COL10A1: variants seen among roughly 807,000 people sequenced by gnomAD.
COL10A1 encodes collagen alpha-1(X) chain.
Under a neutral mutation model 18.2 loss-of-function variants are expected in COL10A1, and 10 were observed. The observed-to-expected ratio is 0.55, with a 90% CI of 0.34 to 0.93. The LOEUF is 0.93. COL10A1 is among the 40% of genes least tolerant of loss of function. The pLI is 0.02. For missense variants in COL10A1, 897 were observed against 853.5 expected, an observed-to-expected ratio of 1.05 and a Z score of -0.64; for synonymous variants, 330 against 316.6, an observed-to-expected ratio of 1.04 and a Z score of -0.45.
Position 116,133,496 on chromosome 6 carries a change from C to T in COL10A1, c.-15-7989G>A, listed in dbSNP as rs75233879. Among the ~76,000 whole-genome samples, 1,225 of 152,224 alleles carry T rather than the reference C, an allele frequency of 8.0e-3. 18 individuals carry two copies. Among genetic ancestry groups the T allele is most frequent in the African/African-American group, 0.028 (1,160 of 41,546 alleles). On this transcript the variant is annotated intron_variant, in intron 1 of 1. Coordinates refer to the COL10A1 transcript ENST00000418500. The stretch of plus-strand genomic sequence containing the variant: ...AAGTACTTGTAGGGTACACGAGTAC[C>T]TGTAGAATATTAAGTACCTATAGGG...
At chr6:116,154,623 A>C (rs1479147818) in intron 1 of COL10A1, among the ~76,000 whole-genome samples, 1 of 151,932 alleles carries the variant, frequency 6.6e-6, no homozygotes, top group Non-Finnish European at 1.5e-5. Context: ...TACACAGTTC[A>C]TGGTGTTTAT....
rs1160893945 is a variant in COL10A1 at position 116,120,988 on chromosome 6, C to A, written c.1128G>T (p.Lys376Asn). The change falls in exon 3 of 3, where the codon AAG becomes AAT. Residue 376 changes from lysine (K) to asparagine (N), a missense_variant. Coordinates refer to ENST00000651968, the MANE Select transcript of COL10A1 (RefSeq NM_000493.4). ...CTGACCCAGGGGAACCCCTTTCACC[C>A]TTAGCCCCAGGGTATCCTGCAGGCC... is the stretch of plus-strand genomic sequence containing the variant. ...PAGPAGYPGA[K>N]GERGSPGSDG... The A allele has an allele frequency of 6.2e-7, 1 of 1,613,894 alleles. No homozygotes were observed.
intron 1 of COL10A1, among the ~76,000 whole-genome samples, chr6:116,155,957 T>C (rs1780182942): frequency 6.6e-6 from 1 of 152,068 alleles, no homozygotes; most frequent in African/African-American, 2.4e-5. Context: ...CCTAAAGGCT[T>C]TAGGGTTGGG....
chr6:116,162,050 A>G (rs918857236), upstream of COL10A1, among the ~76,000 whole-genome samples: 16 of 151,910 alleles, frequency 1.1e-4, no homozygotes, highest in Admixed American at 1.0e-3. Context: ...TGTAAATGAG[A>G]TTGAGTTTTT....
At chr6:116,153,945 G>A (rs1780116098) in intron 1 of COL10A1, among the ~76,000 whole-genome samples, 1 of 151,474 alleles carries the variant, frequency 6.6e-6, no homozygotes, top group African/African-American at 2.4e-5. Context: ...CCATTGCAGT[G>A]TAAAGCTGTA....
At chr6:116,179,392 TGACA>T in the COL10A1 span, among the ~76,000 whole-genome samples, 1 of 152,004 alleles carries the variant, frequency 6.6e-6, no homozygotes, top group Non-Finnish European at 1.5e-5. Flanking sequence ...TTCATGCATC[TGACA>T]AAGGACTAAT....
chr6:116,124,411 G>C (rs1291970637), intron 2 of COL10A1, among the ~76,000 whole-genome samples: 1 of 152,110 alleles, frequency 6.6e-6, no homozygotes, highest in Non-Finnish European at 1.5e-5. Flanking sequence ...CCTAGAAGTT[G>C]CCCTCCTTTG....
chr6:116,203,872 G>T, the COL10A1 span, among the ~76,000 whole-genome samples: 1 of 151,926 alleles, frequency 6.6e-6, no homozygotes, highest in African/African-American at 2.4e-5. Flanking sequence ...AGTACTTGAT[G>T]TTGTCAGAAA....
At chr6:116,151,789 A>T (rs1362691576) in intron 1 of COL10A1, among the ~76,000 whole-genome samples, 1 of 152,162 alleles carries the variant, frequency 6.6e-6, no homozygotes, top group African/African-American at 2.4e-5. Context: ...AACTTTTTTT[A>T]AAAAAGCAGC....
At chr6:116,194,979 G>A in the COL10A1 span, among the ~76,000 whole-genome samples, 6,172 of 152,154 alleles carry the variant, frequency 0.041, 420 homozygotes, top group African/African-American at 0.14. Flanking sequence ...GATATACAGT[G>A]ATTATTCAAA....
upstream of COL10A1, among the ~76,000 whole-genome samples, chr6:116,130,391 A>C (rs960423464): frequency 6.6e-6 from 1 of 152,112 alleles, no homozygotes; most frequent in Non-Finnish European, 1.5e-5. Context: ...ATTTTTGGCC[A>C]GTGAGAGCCT....
chr6:116,206,138 C>T, the COL10A1 span, among the ~76,000 whole-genome samples: 1 of 151,948 alleles, frequency 6.6e-6, no homozygotes, highest in African/African-American at 2.4e-5. Context: ...AGGTAAGTAG[C>T]ATTTTGATAA....
the COL10A1 span, among the ~76,000 whole-genome samples, chr6:116,182,598 T>A: frequency 6.6e-6 from 1 of 152,068 alleles, no homozygotes; most frequent in African/African-American, 2.4e-5. Context: ...TAAGGTGGTA[T>A]CACATTATGG....
chr6:116,145,459 T>A (rs2114379372), intron 1 of COL10A1: 1 of 388,672 alleles, frequency 2.6e-6, no homozygotes, highest in East Asian at 7.5e-5. Context: ...GCCACATCCT[T>A]GCTTCAGGAT....
rs778032626 is a variant in COL10A1, at chr6:116,121,873, T to C, written c.243A>G (p.Gly81=). 1 of 1,613,994 alleles carries C rather than the reference T, an allele frequency of 6.2e-7. No homozygotes were observed. Among genetic ancestry groups the C allele is most frequent in the Non-Finnish European group, 8.5e-7 (1 of 1,179,982 alleles). The change falls in exon 3 of 3, where the codon GGA becomes GGG. Residue 81 remains glycine, a synonymous_variant. Transcript: ENST00000651968. ...RGHPGPSGPP[G]KPGYGSPGLQ... The stretch of plus-strand genomic sequence containing the variant: ...GTCCAGGACTTCCGTAGCCTGGTTT[T>C]CCTGGTGGTCCAGAAGGACCTGGGT...
chr6:116,154,773 G>A (rs557865204), intron 1 of COL10A1, among the ~76,000 whole-genome samples: 3 of 152,226 alleles, frequency 2.0e-5, no homozygotes, highest in East Asian at 1.9e-4. Context: ...ACAAAGCACC[G>A]TTTGATTTGT....
At chr6:116,199,211 CAA>C in the COL10A1 span, among the ~76,000 whole-genome samples, 1 of 152,084 alleles carries the variant, frequency 6.6e-6, no homozygotes, top group Non-Finnish European at 1.5e-5. Flanking sequence ...TCTAGATAGA[CAA>C]GAGAGTTTGT....
chr6:116,165,757 G>C, the COL10A1 span, among the ~76,000 whole-genome samples: 2 of 152,214 alleles, frequency 1.3e-5, no homozygotes, highest in African/African-American at 4.8e-5. Flanking sequence ...CCTGTGCTTA[G>C]GGCTGAATGT....
At chr6:116,155,886 G>C (rs1476466327) in intron 1 of COL10A1, among the ~76,000 whole-genome samples, 1 of 151,694 alleles carries the variant, frequency 6.6e-6, no homozygotes, top group Non-Finnish European at 1.5e-5. Flanking sequence ...AATGGAAGTG[G>C]AGGTAGTGTT....
Sources: allele counts gnomAD v4.1 joint callset (sites outside exome capture counted in the v4.1 genomes callset), GRCh38; gene constraint gnomAD v4.1.1; transcripts MANE v1.5; gene names NCBI Gene and HGNC (gene_info 2026-07-23, HGNC 2026-07-21).